Variants in LRRTM4 observed in about 807,000 individuals in gnomAD.
The protein encoded by LRRTM4 is leucine rich repeat transmembrane neuronal 4.
A neutral mutation model predicts 47.6 loss-of-function variants in LRRTM4; 25 were observed. The ratio of observed to expected loss-of-function variants is 0.53; its 90% CI spans 0.38 to 0.73. LRRTM4 has a LOEUF of 0.73. Among genes scored for constraint, LRRTM4 ranks in the 30% least tolerant of loss-of-function variants. The probability of loss-of-function intolerance (pLI) is 0.00; values close to 1 mark genes in which losing one functional copy is unlikely to be tolerated. For missense variants in LRRTM4, 638 were observed against 713.4 expected (o/e 0.89, Z 1.20); for synonymous variants, 311 against 269.5 (o/e 1.15, Z -1.51).
intron 3 of LRRTM4, among the ~76,000 whole-genome samples, chr2:76,779,210 T>G (rs1176780165): frequency 6.6e-6 from 1 of 152,098 alleles, no homozygotes; most frequent in African/African-American, 2.4e-5. Context: ...ATAGGTGTGG[T>G]GTGGTGCTGA....
At position 76,781,361 on chromosome 2, in the gene LRRTM4, G is replaced by A. The variant is rs563589791; in HGVS notation, c.1552-32445C>T. Among the ~76,000 whole-genome samples the A allele has an allele frequency of 2.3e-4, 35 of 152,276 alleles. No homozygotes were observed. The East Asian group carries it at 5.8e-3, about 25-fold the overall frequency. ...GCACCCCTCCCCCAGCCTGGCTGCC[G>A]CCTTGCAGTTTGATCTCAGACTGCT... On this transcript the variant is annotated intron_variant, in intron 3 of 3. Transcript: ENST00000409884.
chr2:77,028,943 G>A (rs976400465), intron 3 of LRRTM4, among the ~76,000 whole-genome samples: 3 of 150,968 alleles, frequency 2.0e-5, no homozygotes, highest in African/African-American at 4.9e-5. Flanking sequence ...GCTGAGGCAG[G>A]AGAATGGTGT....
intron 3 of LRRTM4, among the ~76,000 whole-genome samples, chr2:77,356,931 T>C (rs1671990366): frequency 6.6e-6 from 1 of 152,194 alleles, no homozygotes; most frequent in African/African-American, 2.4e-5. Flanking sequence ...ATGTGTCTTT[T>C]AATGGTCATA....
At position 77,030,936 on chromosome 2, in the gene LRRTM4, C is replaced by G. The variant is rs550554794; in HGVS notation, c.1552-282020G>C. 9.2e-5 allele frequency among the ~76,000 whole-genome samples: 14 copies of G among 152,310 alleles called. No homozygotes were observed. The South Asian group carries it at 1.2e-3, about 14-fold the overall frequency. ...TTCTAATATTGTTACTTGCAACTGT[C>G]TCTCTTAATTTGCAATGTGTCAATG... On this transcript the variant is annotated intron_variant, in intron 3 of 3. Transcript: ENST00000409884.
intron 3 of LRRTM4, among the ~76,000 whole-genome samples, chr2:77,239,936 T>G (rs1053544945): frequency 6.6e-6 from 1 of 151,928 alleles, no homozygotes; most frequent in Non-Finnish European, 1.5e-5. Flanking sequence ...TTAATTATTC[T>G]AATTGATGTT....
intron 3 of LRRTM4, among the ~76,000 whole-genome samples, chr2:77,180,183 C>G (rs1278496461): frequency 6.6e-6 from 1 of 152,092 alleles, no homozygotes; most frequent in Non-Finnish European, 1.5e-5. Context: ...CTACTATAGT[C>G]TCTTTCAAAC....
chr2:77,125,704 A>G (rs1671636499), intron 3 of LRRTM4, among the ~76,000 whole-genome samples: 1 of 152,102 alleles, frequency 6.6e-6, no homozygotes, highest in African/African-American at 2.4e-5. Context: ...TGAGAAATAT[A>G]TCAAAATATA....
chr2:76,836,441 A>AT (rs1042024310), intron 3 of LRRTM4, among the ~76,000 whole-genome samples: 2 of 151,620 alleles, frequency 1.3e-5, no homozygotes, highest in African/African-American at 2.4e-5. Context: ...CACTCCGGGC[A>AT]TTTTTTCACA....
At chr2:77,493,861 A>T (rs1304169488) in intron 3 of LRRTM4, among the ~76,000 whole-genome samples, 4 of 152,132 alleles carry the variant, frequency 2.6e-5, no homozygotes, top group African/African-American at 9.7e-5. Context: ...TCTGATAATA[A>T]AAATGGCAAA....
chr2:76,802,298 AT>A (rs200173426), intron 3 of LRRTM4, among the ~76,000 whole-genome samples: 2,203 of 152,038 alleles, frequency 0.014, 49 homozygotes, highest in African/African-American at 0.049. Context: ...TAACAGCAAA[AT>A]ACACAAATCT....
chr2:77,446,187 T>A (rs1166820412), intron 3 of LRRTM4, among the ~76,000 whole-genome samples: 1 of 152,066 alleles, frequency 6.6e-6, no homozygotes, highest in South Asian at 2.1e-4. Flanking sequence ...TAAAATGCTA[T>A]GGGTTTTTTT....
chr2:76,800,890 A>G (rs949259531), intron 3 of LRRTM4, among the ~76,000 whole-genome samples: 2 of 151,618 alleles, frequency 1.3e-5, no homozygotes, highest in South Asian at 2.1e-4. Context: ...ATGCAAATGA[A>G]AACCACAATG....
chr2:77,188,298 G>T (rs1310671042), intron 3 of LRRTM4, among the ~76,000 whole-genome samples: 1 of 152,032 alleles, frequency 6.6e-6, no homozygotes, highest in Non-Finnish European at 1.5e-5. Flanking sequence ...CCCTCTATGG[G>T]GAAAATGATG....
intron 3 of LRRTM4, among the ~76,000 whole-genome samples, chr2:77,463,327 C>G (rs1676862345): frequency 6.6e-6 from 1 of 152,050 alleles, no homozygotes; most frequent in African/African-American, 2.4e-5. Context: ...TTATGTGGCA[C>G]ATGATTGTAA....
At chr2:76,918,807 T>G (rs1029328789) in intron 3 of LRRTM4, among the ~76,000 whole-genome samples, 1 of 152,076 alleles carries the variant, frequency 6.6e-6, no homozygotes, top group Non-Finnish European at 1.5e-5. Context: ...TCAGAAGAAA[T>G]CCTTAGAAAG....
chr2:77,469,377 G>C (rs961115004), intron 3 of LRRTM4, among the ~76,000 whole-genome samples: 1 of 151,110 alleles, frequency 6.6e-6, no homozygotes, highest in Admixed American at 6.8e-5. Context: ...AATGTGTCAG[G>C]GGGGCAGGAA....
intron 3 of LRRTM4, among the ~76,000 whole-genome samples, chr2:77,113,787 G>C (rs1010521812): frequency 6.6e-6 from 1 of 152,042 alleles, no homozygotes; most frequent in Non-Finnish European, 1.5e-5. Flanking sequence ...TGCAGAGGAG[G>C]GGGAAGGGCC....
intron 3 of LRRTM4, among the ~76,000 whole-genome samples, chr2:77,501,876 AGTGGTG>A (rs1286609266): frequency 5.3e-5 from 8 of 151,438 alleles, no homozygotes; most frequent in African/African-American, 1.7e-4. Context: ...TAGTAGTCAC[AGTGGTG>A]GTGAATATTA....
In LRRTM4 at chr2:77,517,998, GAA is replaced by G. The variant is rs1220134475; in HGVS notation, c.1551+318_1551+319del. 20 of 1,060,092 alleles carry G rather than the reference GAA, an allele frequency of 1.9e-5. No homozygotes were observed. The East Asian group carries it at 8.1e-4, about 43-fold the overall frequency. 65.7% of individuals were successfully genotyped at this position (1,060,092 alleles called of 1,614,324 possible). ...AAGAACCAGACAGAAATTTCAGAAT[GAA>G]AAGAGTTTTGTTTGTATGTGTGTTT... On this transcript the variant is annotated intron_variant, in intron 3 of 3. Coordinates refer to ENST00000409884, the MANE Select transcript of LRRTM4 (RefSeq NM_001134745.3).
Sources: allele counts gnomAD v4.1 joint callset (sites outside exome capture counted in the v4.1 genomes callset), GRCh38; gene constraint gnomAD v4.1.1; transcripts MANE v1.5; gene names NCBI Gene and HGNC (gene_info 2026-07-23, HGNC 2026-07-21).